The following DZIP3 variants were observed in gnomAD, a reference collection of about 807,000 sequenced individuals.
DZIP3 encodes the protein DAZ interacting zinc finger protein 3, also known as E3 ubiquitin-protein ligase DZIP3.
Under a neutral mutation model 162.0 loss-of-function variants are expected in DZIP3, and 118 were observed. The observed-to-expected ratio is 0.73, with a 90% CI of 0.63 to 0.85. The LOEUF is 0.85. Among genes scored for constraint, DZIP3 ranks in the 40% least tolerant of loss-of-function variants. DZIP3 has a pLI of 0.00. For missense variants in DZIP3, 1,331 were observed against 1,407.0 expected (o/e 0.95, Z 0.86); for synonymous variants, 438 against 458.6 (o/e 0.96, Z 0.57).
At chr3:108,640,102 G>A (rs531644413) in intron 12 of DZIP3, among the ~76,000 whole-genome samples, 1 of 151,992 alleles carries the variant, frequency 6.6e-6, no homozygotes, top group South Asian at 2.1e-4. Context: ...TTCACTTTTA[G>A]TTTAATTCCT....
Position 108,629,153 on chromosome 3 carries a change from GAA to G in DZIP3, c.674_675del (p.Glu225GlyfsTer7). Reference protein sequence around the residue: ...HWFDIDPTEDEDLPTTFKDLL... With the variant: ...HWFDIDPTEDXDLPTTFKDLL... ...GTTTGACATAGATCCTACAGAAGATGAAGATTTACCTACAACTTTTAAAGTAA... is the reference window on the plus strand; with the variant it reads ...GTTTGACATAGATCCTACAGAAGATGGATTTACCTACAACTTTTAAAGTAA... On this transcript the variant is annotated frameshift_variant, in exon 8 of 33. Transcript: ENST00000361582. LOFTEE classifies it high-confidence loss of function. 6.3e-7 allele frequency: 1 copy of G among 1,588,180 alleles called. No homozygotes were observed. Among genetic ancestry groups the G allele is most frequent in the Non-Finnish European group, 8.5e-7 (1 of 1,171,250 alleles).
At chr3:108,689,686 C>CA (rs538257124) in intron 31 of DZIP3, among the ~76,000 whole-genome samples, 1 of 151,718 alleles carries the variant, frequency 6.6e-6, no homozygotes, top group Admixed American at 6.6e-5. Flanking sequence ...GACTCCATCT[C>CA]AAAAAAAGAA....
At chr3:108,681,396 G>C (rs1187632722) in intron 26 of DZIP3, among the ~76,000 whole-genome samples, 3 of 152,262 alleles carry the variant, frequency 2.0e-5, no homozygotes, top group East Asian at 3.9e-4. Context: ...TCTCACGCCA[G>C]TTAGAATGGC....
intron 21 of DZIP3, among the ~76,000 whole-genome samples, chr3:108,662,563 T>C (rs1943487455): frequency 6.6e-6 from 1 of 152,218 alleles, no homozygotes; most frequent in Admixed American, 6.5e-5. Context: ...ATGTGACCAA[T>C]GATTGGCTGT....
intron 15 of DZIP3, among the ~76,000 whole-genome samples, chr3:108,646,988 C>T (rs1273176218): frequency 6.6e-6 from 1 of 152,108 alleles, no homozygotes; most frequent in Non-Finnish European, 1.5e-5. Context: ...TTGCAGTGAG[C>T]CAAGATCACG....
intron 5 of DZIP3, among the ~76,000 whole-genome samples, chr3:108,622,345 A>G (rs753393459): frequency 3.4e-4 from 51 of 152,112 alleles, no homozygotes; most frequent in Non-Finnish European, 6.3e-4. Flanking sequence ...TCTTTGTTCA[A>G]TTTATCTGAT....
intron 4 of DZIP3, among the ~76,000 whole-genome samples, chr3:108,615,014 A>G (rs898093264): frequency 6.6e-6 from 1 of 152,174 alleles, no homozygotes; most frequent in Non-Finnish European, 1.5e-5. Flanking sequence ...CCTCAATGAA[A>G]AGAATGGGCT....
intron 26 of DZIP3, among the ~76,000 whole-genome samples, chr3:108,680,092 C>T (rs1171710876): frequency 6.6e-6 from 1 of 151,980 alleles, no homozygotes; most frequent in African/African-American, 2.4e-5. Context: ...CAAAATTCAA[C>T]GTCAGTTTAT....
intron 10 of DZIP3, among the ~76,000 whole-genome samples, chr3:108,635,708 TA>T (rs1407704106): frequency 4.0e-5 from 6 of 148,810 alleles, no homozygotes. Flanking sequence ...TTATAATATA[TA>T]ACATATAATA....
chr3:108,640,878 G>A (rs1394409034), intron 12 of DZIP3, among the ~76,000 whole-genome samples: 1 of 151,628 alleles, frequency 6.6e-6, no homozygotes, highest in Non-Finnish European at 1.5e-5. Context: ...TTCAACCTAT[G>A]TATTTCTTTG....
chr3:108,674,838 C>A (rs866682536), intron 24 of DZIP3, among the ~76,000 whole-genome samples: 4 of 151,902 alleles, frequency 2.6e-5, no homozygotes, highest in Middle Eastern at 3.4e-3. Context: ...ACCCAGGCAT[C>A]ATTATTTTTA....
intron 8 of DZIP3, among the ~76,000 whole-genome samples, chr3:108,631,681 C>T (rs1447277194): frequency 2.0e-5 from 3 of 148,764 alleles, no homozygotes; most frequent in African/African-American, 7.4e-5. Flanking sequence ...ACCTTGGCCT[C>T]CAATTTTTTA....
At chr3:108,604,100 A>G (rs1940187464) in intron 1 of DZIP3, among the ~76,000 whole-genome samples, 1 of 152,138 alleles carries the variant, frequency 6.6e-6, no homozygotes, top group South Asian at 2.1e-4. Flanking sequence ...TTGATTTGGG[A>G]ATTACCCTAT....
In DZIP3 at chr3:108,622,880, C is replaced by CTCTCTCTCTCTCTCTG. The variant is rs796232998; in HGVS notation, c.376-1563_376-1562insCTCTCTCTCTCTCTGT. 3.1e-3 allele frequency among the ~76,000 whole-genome samples: 162 copies of CTCTCTCTCTCTCTCTG among 53,060 alleles called. 5 individuals carry two copies. Among genetic ancestry groups the CTCTCTCTCTCTCTCTG allele is most frequent in the East Asian group, 0.016 (32 of 1,974 alleles). The allele number at this position is 53,060 out of a possible 152,430, so 34.8% of individuals were successfully genotyped here. ...TCTCTCTCTCTCTCTCTCTCTCTCT[C>CTCTCTCTCTCTCTCTG]TGTGTGTGTGTGTGTGTATGGAGCT... On this transcript the variant is annotated intron_variant, in intron 5 of 32. Coordinates refer to ENST00000361582, the MANE Select transcript of DZIP3 (RefSeq NM_014648.4).
chr3:108,624,367 A>C, intron 5 of DZIP3, 77 bp from the exon 6 acceptor site: 1 of 763,082 alleles, frequency 1.3e-6, no homozygotes, highest in East Asian at 2.6e-5. Context: ...AATTAAGCTT[A>C]GGATATTTAA....
chr3:108,620,221 A>G (rs1048508836), intron 5 of DZIP3, among the ~76,000 whole-genome samples: 1 of 152,206 alleles, frequency 6.6e-6, no homozygotes, highest in South Asian at 2.1e-4. Context: ...AGGGAAGCCT[A>G]TAAGAGACTC....
intron 21 of DZIP3, 118 bp downstream of exon 21, chr3:108,662,375 A>G: frequency 8.2e-7 from 1 of 1,222,756 alleles, no homozygotes. Context: ...AACCTCAACC[A>G]CACGACTGCA....
intron 19 of DZIP3, among the ~76,000 whole-genome samples, chr3:108,658,968 A>C (rs1248617054): frequency 1.3e-5 from 2 of 152,226 alleles, no homozygotes; most frequent in East Asian, 3.8e-4. Context: ...GAATAGACCA[A>C]TAACAGGCTC....
intron 17 of DZIP3, among the ~76,000 whole-genome samples, chr3:108,650,015 G>T (rs947305182): frequency 6.6e-6 from 1 of 151,620 alleles, no homozygotes; most frequent in African/African-American, 2.4e-5. Context: ...GTAAGTCATG[G>T]GTCTAATACT....
Sources: allele counts gnomAD v4.1 joint callset (sites outside exome capture counted in the v4.1 genomes callset), GRCh38; gene constraint gnomAD v4.1.1; transcripts MANE v1.5; gene names NCBI Gene and HGNC (gene_info 2026-07-23, HGNC 2026-07-21).